The following PBX1 variants were observed in gnomAD, a reference collection of about 807,000 sequenced individuals.
PBX1 encodes the protein PBX homeobox 1, also known as pre-B-cell leukemia transcription factor 1.
A neutral mutation model predicts 53.4 loss-of-function variants in PBX1; 6 were observed. That is an observed-to-expected ratio of 0.11 (90% CI 0.06 to 0.22). The LOEUF is 0.22. Ranked by LOEUF, PBX1 falls within the 10% of genes least tolerant of loss-of-function variation. PBX1 has a pLI of 1.00. For synonymous variants in PBX1, 204 were observed against 212.3 expected, an observed-to-expected ratio of 0.96 and a Z score of 0.34; for missense variants, 251 against 551.4, an observed-to-expected ratio of 0.46 and a Z score of 5.46.
chr1:164,797,759 A>G (rs1668859397), intron 3 of PBX1, among the ~76,000 whole-genome samples: 1 of 152,234 alleles, frequency 6.6e-6, no homozygotes, highest in Non-Finnish European at 1.5e-5. Flanking sequence ...ATGTACTTGT[A>G]GGGCCAGGCA....
intron 4 of PBX1, among the ~76,000 whole-genome samples, chr1:164,804,020 TATATG>T (rs1314166885): frequency 2.0e-5 from 3 of 152,212 alleles, no homozygotes; most frequent in Non-Finnish European, 2.9e-5. Flanking sequence ...TTATTACTGT[TATATG>T]ATATATTATT....
intron 2 of PBX1, among the ~76,000 whole-genome samples, chr1:164,884,854 C>T (rs145267978): frequency 5.9e-5 from 9 of 152,304 alleles, no homozygotes; most frequent in African/African-American, 2.2e-4. Flanking sequence ...ATTTACTGTG[C>T]ACCACCATAT....
At chr1:164,710,704 C>G (rs1314994331) in intron 2 of PBX1, among the ~76,000 whole-genome samples, 2 of 152,128 alleles carry the variant, frequency 1.3e-5, no homozygotes, top group Non-Finnish European at 2.9e-5. Flanking sequence ...AACCACCACG[C>G]CTGGCGGTGC....
chr1:164,855,656 G>A (rs777318648), downstream of PBX1, among the ~76,000 whole-genome samples: 3 of 152,152 alleles, frequency 2.0e-5, no homozygotes, highest in Non-Finnish European at 4.4e-5. Context: ...TGAAAACTTG[G>A]TGAGGAAGCA....
intron 2 of PBX1, among the ~76,000 whole-genome samples, chr1:164,741,277 T>A (rs1446242718): frequency 6.6e-6 from 1 of 152,354 alleles, no homozygotes; most frequent in East Asian, 1.9e-4. Context: ...ATCTCTGGAC[T>A]CATAGGGCCA....
At chr1:164,596,454 C>A (rs1655766686) in intron 2 of PBX1, among the ~76,000 whole-genome samples, 1 of 152,222 alleles carries the variant, frequency 6.6e-6, no homozygotes, top group South Asian at 2.1e-4. Context: ...GTGGTTCTAA[C>A]CATGGGTGAT....
chr1:164,870,540 C>T (rs966863302), intron 2 of PBX1, among the ~76,000 whole-genome samples: 1 of 151,816 alleles, frequency 6.6e-6, no homozygotes, highest in Non-Finnish European at 1.5e-5. Flanking sequence ...GACGGGGTTT[C>T]GCCATGTTGC....
intron 3 of PBX1, among the ~76,000 whole-genome samples, chr1:164,792,957 C>T (rs1668593610): frequency 6.6e-6 from 1 of 152,144 alleles, no homozygotes; most frequent in South Asian, 2.1e-4. Context: ...GAGGTAAAGG[C>T]ATTAAAAAAT....
intron 4 of PBX1, among the ~76,000 whole-genome samples, chr1:164,801,834 A>G (rs1669092170): frequency 6.6e-6 from 1 of 152,258 alleles, no homozygotes; most frequent in South Asian, 2.1e-4. Context: ...GTGAAAGAAC[A>G]TGACCCCAAA....
chr1:164,872,102 GCA>G (rs994727334), intron 2 of PBX1, among the ~76,000 whole-genome samples: 16 of 152,248 alleles, frequency 1.1e-4, no homozygotes, highest in African/African-American at 3.4e-4. Context: ...AGTGAAAAAT[GCA>G]CTTATTCATA....
chr1:164,756,012 A>G (rs544246729), intron 2 of PBX1, among the ~76,000 whole-genome samples: 15 of 151,436 alleles, frequency 9.9e-5, no homozygotes, highest in East Asian at 1.9e-4. Flanking sequence ...AAAAAAAAAA[A>G]AAAGAAAGAA....
At chr1:164,864,138 G>A (rs1299046384) in intron 2 of PBX1, among the ~76,000 whole-genome samples, 2 of 152,136 alleles carry the variant, frequency 1.3e-5, no homozygotes, top group South Asian at 4.1e-4. Context: ...AGTTGTGGAG[G>A]GGCCAGGGGA....
intron 6 of PBX1, chr1:164,813,083 A>AT (rs1281990026): frequency 1.3e-5 from 2 of 152,046 alleles, no homozygotes; most frequent in African/African-American, 4.8e-5. Flanking sequence ...AATGTCTAAC[A>AT]TTTTTTAGAG....
chr1:164,855,843 T>A (rs935609424), downstream of PBX1, among the ~76,000 whole-genome samples: 2 of 152,198 alleles, frequency 1.3e-5, no homozygotes, highest in Non-Finnish European at 2.9e-5. Flanking sequence ...CTGCCTCCTT[T>A]CTCTGAGAAT....
intron 8 of PBX1, among the ~76,000 whole-genome samples, chr1:164,823,709 A>G (rs1670282708): frequency 6.6e-6 from 1 of 152,128 alleles, no homozygotes; most frequent in Non-Finnish European, 1.5e-5. Flanking sequence ...GCAGACAATT[A>G]TGTCTGATGA....
chr1:164,638,753 G>A (rs527735154), intron 2 of PBX1, among the ~76,000 whole-genome samples: 53 of 152,352 alleles, frequency 3.5e-4, no homozygotes, highest in African/African-American at 1.2e-3. Context: ...TGACATTCTT[G>A]AATGAGGTCA....
chr1:164,677,104 A>T (rs5014311), intron 2 of PBX1, among the ~76,000 whole-genome samples: 1,089 of 6,868 alleles, frequency 0.16, 400 homozygotes, highest in Middle Eastern at 0.33. Context: ...TTTTTTTTTT[A>T]AGACGGAGTC....
chr1:164,868,598 T>A (rs1178701813), intron 2 of PBX1, among the ~76,000 whole-genome samples: 2 of 152,192 alleles, frequency 1.3e-5, no homozygotes, highest in African/African-American at 4.8e-5. Context: ...ATGCCTGGAT[T>A]TGGATAACGA....
intron 2 of PBX1, among the ~76,000 whole-genome samples, chr1:164,604,482 A>G (rs778280580): frequency 6.6e-6 from 1 of 152,246 alleles, no homozygotes; most frequent in Non-Finnish European, 1.5e-5. Context: ...ACTGTGTGCC[A>G]GGATGCCCTG....
Sources: gnomAD v4.1 joint callset for allele counts (sites outside exome capture counted in the v4.1 genomes callset) on GRCh38, gnomAD v4.1.1 for gene constraint, MANE v1.5 for transcripts, NCBI Gene and HGNC (gene_info 2026-07-23, HGNC 2026-07-21) for gene names.